Variants in BPIFC observed in about 807,000 individuals in gnomAD.
BPIFC encodes the protein BPI fold containing family C, also known as BPI fold-containing family C protein.
Under a neutral mutation model 57.6 loss-of-function variants are expected in BPIFC, and 60 were observed. That is an observed-to-expected ratio of 1.04 (90% CI 0.85 to 1.29). The LOEUF is 1.29. Ranked by LOEUF, BPIFC falls within the 50% of genes most tolerant of loss-of-function variation. The pLI, the probability that BPIFC is intolerant of heterozygous loss-of-function variation, is 0.00. For missense variants in BPIFC, 581 were observed against 600.5 expected (o/e 0.97, Z 0.34); for synonymous variants, 243 against 224.5 (o/e 1.08, Z -0.74).
At chr22:32,421,568 T>C (rs1933848895) in intron 13 of BPIFC, among the ~76,000 whole-genome samples, 1 of 152,218 alleles carries the variant, frequency 6.6e-6, no homozygotes, top group Non-Finnish European at 1.5e-5. Context: ...GTTACAGGCA[T>C]GTCTGATAGA....
chr22:32,429,373 A>AT (rs1934165572), intron 13 of BPIFC, among the ~76,000 whole-genome samples: 1 of 151,190 alleles, frequency 6.6e-6, no homozygotes, highest in Admixed American at 6.6e-5. Context: ...CGCCCAGCTA[A>AT]TTTTTTGCAT....
chr22:32,431,415 C>G lies in BPIFC; in HGVS notation c.1150-1G>C, dbSNP rs771242220. On this transcript the variant is annotated splice_acceptor_variant, in intron 12 of 16. Transcript: ENST00000300399. LOFTEE classifies it high-confidence loss of function. ...CCAGGCCAACACTGGTACTAGCAAC[C>G]TATAGACAATAAAAGCATTTATTAT... 2 of 1,601,160 alleles carry G rather than the reference C, an allele frequency of 1.2e-6. No individual in the cohort carries two copies. Among genetic ancestry groups the G allele is most frequent in the South Asian group, 2.2e-5 (2 of 90,696 alleles).
intron 2 of BPIFC, among the ~76,000 whole-genome samples, chr22:32,458,312 T>C (rs1035698069): frequency 3.3e-4 from 50 of 152,220 alleles, no homozygotes; most frequent in African/African-American, 8.9e-4. Flanking sequence ...TGCTGTTTCC[T>C]CTTCCTGGCA....
chr22:32,432,347 C>T (rs765809583), intron 12 of BPIFC, 26 bp downstream of exon 12: 1 of 1,612,126 alleles, frequency 6.2e-7, no homozygotes, highest in East Asian at 2.2e-5. Context: ...CATCTACAGG[C>T]TGCTCCACTG....
At chr22:32,443,284 C>A (rs1934620730) in intron 7 of BPIFC, among the ~76,000 whole-genome samples, 1 of 152,152 alleles carries the variant, frequency 6.6e-6, no homozygotes, top group African/African-American at 2.4e-5. Flanking sequence ...CTGCCTCAGC[C>A]TCCTGCGTAG....
Position 32,445,999 on chromosome 22 carries a change from G to C in BPIFC, c.375-3C>G. 6.2e-7 allele frequency: 1 copy of C among 1,613,778 alleles called. No homozygotes were observed. The highest frequency in any genetic ancestry group is 8.5e-7 in the Non-Finnish European group (1 of 1,179,826). The stretch of plus-strand genomic sequence containing the variant: ...GATCAGCCCCTCCTGTGTCTTGGCT[G>C]TTTAAAGAAGTGCAAGGTTATCCAA... On this transcript the variant is annotated splice_polypyrimidine_tract_variant and splice_region_variant and intron_variant, in intron 5 of 16. Coordinates refer to ENST00000300399, the MANE Select transcript of BPIFC (RefSeq NM_174932.3).
At chr22:32,431,632 A>AT (rs928797714) in intron 12 of BPIFC, among the ~76,000 whole-genome samples, 56 of 149,518 alleles carry the variant, frequency 3.7e-4, no homozygotes, top group African/African-American at 1.1e-3. Context: ...TCTCCTTTGA[A>AT]TTTTTTTTTT....
chr22:32,462,168 C>CAAAAAAAAAAAAAAAAAAAAAAAAAAAA lies in BPIFC; in HGVS notation c.-88-508_-88-507insTTTTTTTTTTTTTTTTTTTTTTTTTTTT, dbSNP rs35716277. Among the ~76,000 whole-genome samples, 52 of 53,584 alleles carry CAAAAAAAAAAAAAAAAAAAAAAAAAAAA rather than the reference C, an allele frequency of 9.7e-4. 1 individual carries two copies. The highest frequency in any genetic ancestry group is 2.5e-3 in the South Asian group (2 of 796). 35.2% of individuals were successfully genotyped at this position (53,584 alleles called of 152,430 possible). On this transcript the variant is annotated intron_variant, in intron 1 of 16. Coordinates refer to ENST00000300399, the MANE Select transcript of BPIFC (RefSeq NM_174932.3). ...CTGGCGACAGAGCGAGACTCCATCT[C>CAAAAAAAAAAAAAAAAAAAAAAAAAAAA]AAAAAAAAAAAAAAAAAAAAAAGAA...
chr22:32,446,750 T>C, intron 5 of BPIFC: 1 of 985,230 alleles, frequency 1.0e-6, no homozygotes, highest in Non-Finnish European at 1.2e-6. Context: ...GATTTCCTCC[T>C]TCTACACGAG....
Position 32,453,374 on chromosome 22 carries a change from T to C in BPIFC, c.245+9A>G, listed in dbSNP as rs558528681. ...TTATAAGAGGCAAAATGCTCTTCTT[T>C]TTACTTACTTTGAAAAATTGTAGTT... is the stretch of plus-strand genomic sequence containing the variant. On this transcript the variant is annotated intron_variant, in intron 4 of 16. Coordinates refer to ENST00000300399, the MANE Select transcript of BPIFC (RefSeq NM_174932.3). 7.4e-5 allele frequency: 116 copies of C among 1,572,336 alleles called. 1 individual carries two copies. The highest frequency in any genetic ancestry group is 2.6e-4 in the South Asian group (22 of 83,412).
intron 2 of BPIFC, among the ~76,000 whole-genome samples, chr22:32,459,710 G>C (rs573525487): frequency 6.6e-6 from 1 of 151,824 alleles, no homozygotes; most frequent in Non-Finnish European, 1.5e-5. Flanking sequence ...AATTAGCTGA[G>C]GATGGTGGTA....
intron 3 of BPIFC, among the ~76,000 whole-genome samples, chr22:32,456,482 T>C (rs1389867967): frequency 6.6e-6 from 1 of 151,234 alleles, no homozygotes; most frequent in African/African-American, 2.4e-5. Flanking sequence ...ATTTATTTTA[T>C]TTTTTCTGGT....
chr22:32,420,170 T>C (rs1473132592), intron 13 of BPIFC, among the ~76,000 whole-genome samples: 2 of 151,658 alleles, frequency 1.3e-5, no homozygotes, highest in African/African-American at 4.8e-5. Context: ...TACAAAAAAT[T>C]AGCAGGACAT....
At chr22:32,458,278 C>A (rs1413076444) in intron 2 of BPIFC, among the ~76,000 whole-genome samples, 2 of 152,144 alleles carry the variant, frequency 1.3e-5, no homozygotes, top group African/African-American at 4.8e-5. Context: ...ATCTAAGTAG[C>A]CTGTACACCA....
Position 32,431,958 on chromosome 22 carries a change from G to C in BPIFC, c.1149+415C>G, listed in dbSNP as rs74566641. ...CCTCAACTCTGACCTCACTGAGACAGGGTCTTACCCTGTTGCCCAGACTGG... is the reference window on the plus strand; with the variant it reads ...CCTCAACTCTGACCTCACTGAGACACGGTCTTACCCTGTTGCCCAGACTGG... On this transcript the variant is annotated intron_variant, in intron 12 of 16. Coordinates refer to ENST00000300399, the MANE Select transcript of BPIFC (RefSeq NM_174932.3). Among the ~76,000 whole-genome samples, 908 of 152,114 alleles carry C rather than the reference G, an allele frequency of 6.0e-3. 6 individuals carry two copies. The highest frequency in any genetic ancestry group is 7.4e-3 in the Non-Finnish European group (503 of 68,002).
Position 32,435,868 on chromosome 22 carries a change from G to A in BPIFC, c.760C>T (p.Pro254Ser). 1 of 1,613,448 alleles carries A rather than the reference G, an allele frequency of 6.2e-7. No homozygotes were observed. Among genetic ancestry groups the A allele is most frequent in the South Asian group, 1.1e-5 (1 of 90,992 alleles). ...GGGGGGTCGGTGAGGTTTTCCAGTG[G>A]GTAGAATACACCCTGTGGGAAAAGA... The part of the protein sequence containing the change: ...LDLNLKGVFY[P>S]LENLTDPPFS... The change falls in exon 10 of 17, where the codon CCA becomes TCA. Residue 254 changes from proline to serine, a missense_variant. Physicochemically the swap from Pro to Ser is moderately conservative, Grantham distance 74. Coordinates refer to ENST00000300399, the MANE Select transcript of BPIFC (RefSeq NM_174932.3).
At chr22:32,458,767 T>C (rs557059211) in intron 2 of BPIFC, among the ~76,000 whole-genome samples, 42 of 152,358 alleles carry the variant, frequency 2.8e-4, no homozygotes, top group Admixed American at 1.4e-3. Context: ...TTTTTACTTG[T>C]CTATCCCTTT....
At chr22:32,456,969 C>T (rs1935051415) in intron 3 of BPIFC, among the ~76,000 whole-genome samples, 1 of 152,138 alleles carries the variant, frequency 6.6e-6, no homozygotes. Context: ...TTTCCTGTAT[C>T]CTACAAATGT....
intron 8 of BPIFC, among the ~76,000 whole-genome samples, chr22:32,441,916 T>C (rs1290006252): frequency 6.6e-6 from 1 of 152,206 alleles, no homozygotes; most frequent in Non-Finnish European, 1.5e-5. Context: ...ACATGCAACC[T>C]AGATCCCTCG....
Sources: allele counts gnomAD v4.1 joint callset (sites outside exome capture counted in the v4.1 genomes callset), GRCh38; gene constraint gnomAD v4.1.1; transcripts MANE v1.5; gene names NCBI Gene and HGNC (gene_info 2026-07-23, HGNC 2026-07-21).